ARSG: variants seen among roughly 807,000 people sequenced by gnomAD.
ARSG encodes ASG.
ARSG carries 37 observed loss-of-function variants against 50.5 expected under a neutral mutation model. The ratio of observed to expected loss-of-function variants is 0.73; its 90% CI spans 0.56 to 0.96. The LOEUF is 0.96. Ranked by LOEUF, ARSG falls within the 50% of genes least tolerant of loss-of-function variation. The pLI is 0.00. For synonymous variants in ARSG, 225 were observed against 254.6 expected, an observed-to-expected ratio of 0.88 and a Z score of 1.11; for missense variants, 629 against 675.3, an observed-to-expected ratio of 0.93 and a Z score of 0.76.
At chr17:68,315,974 C>G (rs1555768386) in intron 2 of ARSG, among the ~76,000 whole-genome samples, 1 of 152,136 alleles carries the variant, frequency 6.6e-6, no homozygotes, top group Admixed American at 6.5e-5. Flanking sequence ...GTTGATGCAA[C>G]CATCGTTCAG....
intron 4 of ARSG, among the ~76,000 whole-genome samples, chr17:68,350,643 G>C (rs1350604326): frequency 6.6e-6 from 1 of 152,070 alleles, no homozygotes; most frequent in Non-Finnish European, 1.5e-5. Flanking sequence ...AAATTAGCCG[G>C]GCGTGGTGGC....
In ARSG at chr17:68,368,739, T is replaced by C; in HGVS notation, c.896T>C (p.Phe299Ser). Reference protein sequence around the residue: ...HTVKENTFLWFTGDNGPWAQK... With the variant: ...HTVKENTFLWSTGDNGPWAQK... Reference sequence around the variant, plus strand: ...GTGAAGGAAAACACATTCCTCTGGTTTACAGGTAAAGTAGTAAAAGCCAGC... The same window carrying C: ...GTGAAGGAAAACACATTCCTCTGGTCTACAGGTAAAGTAGTAAAAGCCAGC... The change falls in exon 7 of 12, where the codon TTT becomes TCT. Residue 299 changes from phenylalanine to serine, a missense_variant. By Grantham distance (155) the Phe-to-Ser change is radical. Transcript: ENST00000621439. 6.2e-7 allele frequency: 1 copy of C among 1,612,956 alleles called. No individual in the cohort carries two copies.
chr17:68,291,304 G>A (rs1383456215), upstream of ARSG: 13 of 54,168 alleles, frequency 2.4e-4, no homozygotes, highest in African/African-American at 9.6e-4. Flanking sequence ...CCCTCCCCCC[G>A]CCCCCCACCC....
At chr17:68,398,284 T>C (rs2081334800) in intron 10 of ARSG, among the ~76,000 whole-genome samples, 1 of 152,228 alleles carries the variant, frequency 6.6e-6, no homozygotes, top group African/African-American at 2.4e-5. Context: ...TATGCACATA[T>C]ATGTATACAC....
chr17:68,271,957 C>G lies in ARSG; in HGVS notation c.-552+12531C>G, dbSNP rs1207959424. On this transcript the variant is annotated intron_variant, in intron 1 of 11. Coordinates refer to the ARSG transcript ENST00000448504. This position sits in a 1 kb window ranked among gnomAD's most constrained non-coding sequence, Gnocchi z 5.3. The stretch of plus-strand genomic sequence containing the variant: ...AGCTGGGACTATAGGCGTGCGCCAC[C>G]ACGACCAGCCAATTTTTGTATTTTT... Among the ~76,000 whole-genome samples the G allele has an allele frequency of 1.3e-5, 2 of 152,200 alleles. No homozygotes were observed. Among genetic ancestry groups the G allele is most frequent in the Admixed American group, 1.3e-4 (2 of 15,266 alleles).
chr17:68,369,706 C>T (rs1028947162), intron 7 of ARSG, among the ~76,000 whole-genome samples: 3 of 152,070 alleles, frequency 2.0e-5, no homozygotes, highest in East Asian at 1.9e-4. Context: ...AGCTAATAAC[C>T]GAATCTACTC....
At chr17:68,422,647 T>A (rs773719519), downstream of ARSG, 3 of 145,968 alleles carry the variant, frequency 2.1e-5, no homozygotes, top group Admixed American at 1.5e-4. Flanking sequence ...TAGAATCACT[T>A]GAACCTAGGA....
At chr17:68,435,667 T>C in the ARSG span, 2 of 1,614,134 alleles carry the variant, frequency 1.2e-6, no homozygotes, top group Non-Finnish European at 1.7e-6. Context: ...TTGAAGGTGA[T>C]GGCAGCTAGT....
chr17:68,433,947 T>C, the ARSG span, among the ~76,000 whole-genome samples: 1 of 151,908 alleles, frequency 6.6e-6, no homozygotes, highest in African/African-American at 2.4e-5. Context: ...CACACCCAGC[T>C]AATTTTTGTA....
chr17:68,351,720 AG>A lies in ARSG; in HGVS notation c.566+36del, dbSNP rs1254169940. Reference sequence around the variant, plus strand: ...GTCTGACACATTTGCGATAGGCTCCAGGACAAGGCAAAGTTCCAAGACTGTG... The same window carrying A: ...GTCTGACACATTTGCGATAGGCTCCAGACAAGGCAAAGTTCCAAGACTGTG... On this transcript the variant is annotated intron_variant, in intron 5 of 11. Coordinates refer to ENST00000621439, the MANE Select transcript of ARSG (RefSeq NM_001267727.2). 2.8e-6 allele frequency: 4 copies of A among 1,423,888 alleles called. No individual in the cohort carries two copies. In the African/African-American group the frequency reaches 5.6e-5, roughly 20 times the overall value. 88.2% of individuals were successfully genotyped at this position (1,423,888 alleles called of 1,614,324 possible). A position where few individuals can be genotyped will look rare whatever the true frequency, so the allele number is the denominator to read the frequency against.
At chr17:68,388,722 C>T (rs1429124345) in intron 9 of ARSG, among the ~76,000 whole-genome samples, 1 of 152,050 alleles carries the variant, frequency 6.6e-6, no homozygotes, top group African/African-American at 2.4e-5. Flanking sequence ...GTCAGGAGTT[C>T]GAGACCAGCC....
intron 8 of ARSG, among the ~76,000 whole-genome samples, chr17:68,382,021 G>T (rs1749615603): frequency 6.7e-6 from 1 of 150,336 alleles, no homozygotes; most frequent in African/African-American, 2.4e-5. Context: ...CTCAATTTTG[G>T]CTCACTGCAA....
intron 1 of ARSG, among the ~76,000 whole-genome samples, chr17:68,299,516 C>T (rs1161341474): frequency 6.6e-6 from 1 of 151,956 alleles, no homozygotes; most frequent in Admixed American, 6.6e-5. Flanking sequence ...TGGATCGGAT[C>T]TCATCCTAGA....
intron 4 of ARSG, among the ~76,000 whole-genome samples, chr17:68,349,990 A>G (rs1371606997): frequency 6.6e-6 from 1 of 152,238 alleles, no homozygotes; most frequent in Non-Finnish European, 1.5e-5. Flanking sequence ...CTAATGGGGA[A>G]GACGGTATTA....
intron 1 of ARSG, chr17:68,267,567 CCT>C (rs782338016): frequency 1.1e-4 from 17 of 152,216 alleles, no homozygotes; most frequent in South Asian, 2.1e-4. Context: ...TGTTTTTCCC[CCT>C]GAGTTGTCAT....
chr17:68,420,595 C>A lies in ARSG; in HGVS notation c.*132C>A. The A allele has an allele frequency of 1.9e-6, 2 of 1,073,146 alleles. No individual in the cohort carries two copies. Among genetic ancestry groups the A allele is most frequent in the Non-Finnish European group, 2.7e-6 (2 of 734,500 alleles). 66.5% of individuals were successfully genotyped at this position (1,073,146 alleles called of 1,614,324 possible). A position where few individuals can be genotyped will look rare whatever the true frequency, so the allele number is the denominator to read the frequency against. ...GAGTTTAGTTTTGGAGTTAGCCTTG[C>A]ATATCCCTTCTGTATCCTGTCCCTC... is the stretch of plus-strand genomic sequence containing the variant. On this transcript the variant is annotated 3_prime_UTR_variant, in exon 12 of 12. Transcript: ENST00000621439.
chr17:68,297,555 A>G (rs1555758785), intron 1 of ARSG, among the ~76,000 whole-genome samples: 2 of 152,238 alleles, frequency 1.3e-5, no homozygotes, highest in Non-Finnish European at 2.9e-5. Flanking sequence ...TGGCAGATTC[A>G]GCCAGTAGCT....
chr17:68,300,946 G>A (rs1273928571), intron 1 of ARSG, among the ~76,000 whole-genome samples: 1 of 151,774 alleles, frequency 6.6e-6, no homozygotes, highest in Non-Finnish European at 1.5e-5. Flanking sequence ...GTGAAACCCC[G>A]TCTCTACTAA....
chr17:68,361,010 A>C (rs1458784355), intron 6 of ARSG, among the ~76,000 whole-genome samples: 1 of 152,062 alleles, frequency 6.6e-6, no homozygotes, highest in Non-Finnish European at 1.5e-5. Flanking sequence ...TTTTTAGTAG[A>C]GACGGCGTTT....
Sources: gnomAD v4.1 joint callset for allele counts (sites outside exome capture counted in the v4.1 genomes callset) on GRCh38, gnomAD v4.1.1 for gene constraint, Gnocchi (gnomAD v3.1) non-coding constraint, MANE v1.5 for transcripts, NCBI Gene and HGNC (gene_info 2026-07-23, HGNC 2026-07-21) for gene names.